The following GNA14 variants were observed in gnomAD, a reference collection of about 807,000 sequenced individuals.
The protein encoded by GNA14 is G protein subunit alpha 14.
A neutral mutation model predicts 42.0 loss-of-function variants in GNA14; 50 were observed. The ratio of observed to expected loss-of-function variants is 1.19; its 90% confidence interval spans 0.95 to 1.51. The LOEUF is 1.51. Among genes scored for constraint, GNA14 ranks in the 40% most tolerant of loss-of-function variants. The pLI is 0.00. For synonymous variants in GNA14, 173 were observed against 163.1 expected (o/e 1.06, Z -0.46); for missense variants, 473 against 446.2 (o/e 1.06, Z -0.54).
At chr9:77,502,801 G>A (rs1836997343) in intron 2 of GNA14, among the ~76,000 whole-genome samples, 1 of 152,150 alleles carries the variant, frequency 6.6e-6, no homozygotes, top group Non-Finnish European at 1.5e-5. Context: ...GTCTTTGCTG[G>A]CATGGGTGTG....
At chr9:77,615,509 T>G (rs1347865757) in intron 1 of GNA14, among the ~76,000 whole-genome samples, 3 of 152,246 alleles carry the variant, frequency 2.0e-5, no homozygotes, top group Non-Finnish European at 2.9e-5. Flanking sequence ...ACATTCAGCA[T>G]GTACTTCCTT....
chr9:77,591,636 G>T (rs1823392380), intron 1 of GNA14, among the ~76,000 whole-genome samples: 2 of 152,198 alleles, frequency 1.3e-5, no homozygotes, highest in African/African-American at 4.8e-5. Context: ...CAGTACAGTA[G>T]TATGTCATAT....
intron 1 of GNA14, among the ~76,000 whole-genome samples, chr9:77,596,656 G>A (rs1280173537): frequency 1.3e-5 from 2 of 152,164 alleles, no homozygotes; most frequent in Admixed American, 6.5e-5. Flanking sequence ...GAAAAAGGAA[G>A]TGTGAAAAGA....
intron 1 of GNA14, among the ~76,000 whole-genome samples, chr9:77,532,664 C>T (rs1038916995): frequency 6.6e-6 from 1 of 152,174 alleles, no homozygotes; most frequent in South Asian, 2.1e-4. Flanking sequence ...CTGGAGGACT[C>T]GGTGACTTAG....
At chr9:77,472,738 T>C (rs760187112) in intron 2 of GNA14, among the ~76,000 whole-genome samples, 27 of 151,802 alleles carry the variant, frequency 1.8e-4, no homozygotes, top group Non-Finnish European at 2.4e-4. Flanking sequence ...ATGAGAGTGG[T>C]GCCGTCACGA....
intron 2 of GNA14, among the ~76,000 whole-genome samples, chr9:77,489,978 G>A (rs1033747335): frequency 1.4e-4 from 21 of 152,172 alleles, no homozygotes; most frequent in African/African-American, 4.8e-5. Context: ...TGGTAGAGCC[G>A]AGCAGCCTGT....
intron 2 of GNA14, among the ~76,000 whole-genome samples, chr9:77,458,394 C>T (rs1443860): frequency 1.3e-5 from 2 of 152,168 alleles, no homozygotes; most frequent in Admixed American, 1.3e-4. Flanking sequence ...ACTAGGAATG[C>T]GCTGGCCACG....
At chr9:77,504,653 T>C (rs1221162268) in intron 2 of GNA14, among the ~76,000 whole-genome samples, 3 of 142,666 alleles carry the variant, frequency 2.1e-5, no homozygotes, top group African/African-American at 2.6e-5. Context: ...TCTAGAAGTC[T>C]GGCCGACTTT....
chr9:77,496,214 C>T (rs921875224), intron 2 of GNA14, among the ~76,000 whole-genome samples: 1 of 152,112 alleles, frequency 6.6e-6, no homozygotes, highest in Non-Finnish European at 1.5e-5. Flanking sequence ...GTTTCTGAAA[C>T]AATTGTCTTT....
At chr9:77,451,262 G>A (rs986596972) in intron 2 of GNA14, among the ~76,000 whole-genome samples, 21 of 152,148 alleles carry the variant, frequency 1.4e-4, no homozygotes, top group African/African-American at 3.6e-4. Context: ...GAGGGGAGGT[G>A]GGGGTGGTCT....
At position 77,446,448 on chromosome 9, in the gene GNA14, C is replaced by T. The variant is rs77725368; in HGVS notation, c.310-11926G>A. Among the ~76,000 whole-genome samples the T allele has an allele frequency of 2.5e-3, 384 of 152,298 alleles. 1 individual carries two copies. The highest frequency in any genetic ancestry group is 6.8e-3 in the Middle Eastern group (2 of 294). ...TCCTATTTTGCTTTCTTCCTGGGCT[C>T]GCGAGTCATGCTGTGTCTCTCAGCC... On this transcript the variant is annotated intron_variant, in intron 2 of 6. Coordinates refer to ENST00000341700, the MANE Select transcript of GNA14 (RefSeq NM_004297.4).
At chr9:77,595,944 T>A (rs1480613227) in intron 1 of GNA14, among the ~76,000 whole-genome samples, 3 of 151,952 alleles carry the variant, frequency 2.0e-5, no homozygotes, top group Admixed American at 6.5e-5. Context: ...AGGGCTACAT[T>A]TGTCTCCCAG....
chr9:77,443,758 A>T (rs1314883275), intron 2 of GNA14, among the ~76,000 whole-genome samples: 1 of 152,224 alleles, frequency 6.6e-6, no homozygotes, highest in East Asian at 1.9e-4. Context: ...AGGATCACTT[A>T]AAGCCAGAAG....
At chr9:77,597,855 A>G (rs2117906471) in intron 1 of GNA14, among the ~76,000 whole-genome samples, 1 of 152,066 alleles carries the variant, frequency 6.6e-6, no homozygotes, top group Admixed American at 6.5e-5. Flanking sequence ...TGAGGTCAGG[A>G]GTTCGAGACC....
intron 2 of GNA14, among the ~76,000 whole-genome samples, chr9:77,476,465 A>C (rs1836424842): frequency 6.6e-6 from 1 of 152,176 alleles, no homozygotes; most frequent in South Asian, 2.1e-4. Flanking sequence ...TCACACACAG[A>C]ATCGTAAAGC....
At chr9:77,445,634 T>G (rs1197703717) in intron 2 of GNA14, among the ~76,000 whole-genome samples, 2 of 151,806 alleles carry the variant, frequency 1.3e-5, no homozygotes, top group African/African-American at 2.4e-5. Context: ...TCTCAGCTAC[T>G]TGGCGACTGA....
chr9:77,461,291 C>T (rs1180849201), intron 2 of GNA14, among the ~76,000 whole-genome samples: 1 of 152,166 alleles, frequency 6.6e-6, no homozygotes, highest in Non-Finnish European at 1.5e-5. Flanking sequence ...CGGCTCCCAC[C>T]CCAGATAATG....
chr9:77,464,275 A>C (rs1173472588), intron 2 of GNA14, among the ~76,000 whole-genome samples: 1 of 152,106 alleles, frequency 6.6e-6, no homozygotes, highest in Non-Finnish European at 1.5e-5. Context: ...TCCTGGGATT[A>C]CAGGCATGAG....
chr9:77,641,105 GAAGGAAGGAAGGAA>G (rs1564073615), intron 1 of GNA14, among the ~76,000 whole-genome samples: 201 of 4,134 alleles, frequency 0.049, 29 homozygotes, highest in South Asian at 0.17. Flanking sequence ...GGGGGGGAAG[GAAGGAAGGAAGGAA>G]GGAAGGAAGG....
Sources: allele counts gnomAD v4.1 joint callset (sites outside exome capture counted in the v4.1 genomes callset), GRCh38; gene constraint gnomAD v4.1.1; transcripts MANE v1.5; gene names NCBI Gene and HGNC (gene_info 2026-07-23, HGNC 2026-07-21).